GNAQ: variants seen among roughly 807,000 people sequenced by gnomAD.
The protein encoded by GNAQ is guanine nucleotide-binding protein G(q) subunit alpha.
Under a neutral mutation model 43.9 loss-of-function variants are expected in GNAQ, and 8 were observed. That is an observed-to-expected ratio of 0.18 (90% CI 0.11 to 0.33). The LOEUF (loss-of-function observed/expected upper bound fraction) is 0.33, where lower values mean the gene tolerates loss of function less well. GNAQ is among the 10% of genes least tolerant of loss of function. The probability of loss-of-function intolerance (pLI) is 1.00; values close to 1 mark genes in which losing one functional copy is unlikely to be tolerated. For missense variants in GNAQ, 158 were observed against 450.8 expected (o/e 0.35, Z 5.88); for synonymous variants, 155 against 170.7 (o/e 0.91, Z 0.71).
intron 1 of GNAQ, among the ~76,000 whole-genome samples, chr9:77,957,116 G>A (rs1204777378): frequency 1.3e-5 from 2 of 152,056 alleles, no homozygotes; most frequent in African/African-American, 4.8e-5. Context: ...CCTAGCACTT[G>A]GGGAGGCCGA....
intron 2 of GNAQ, among the ~76,000 whole-genome samples, chr9:77,875,475 G>C (rs897709295): frequency 6.6e-6 from 1 of 152,206 alleles, no homozygotes; most frequent in Admixed American, 6.5e-5. Context: ...ACCACAGGCA[G>C]GTCCATCTAC....
At chr9:77,777,737 G>A (rs1587912080) in intron 5 of GNAQ, among the ~76,000 whole-genome samples, 1 of 151,908 alleles carries the variant, frequency 6.6e-6, no homozygotes, top group South Asian at 2.1e-4. Flanking sequence ...AACCCCATTA[G>A]CCTTTAGGGA....
At chr9:78,004,689 CATAAA>C (rs1462845846) in intron 1 of GNAQ, among the ~76,000 whole-genome samples, 1 of 152,004 alleles carries the variant, frequency 6.6e-6, no homozygotes, top group Non-Finnish European at 1.5e-5. Context: ...CATAAACAAA[CATAAA>C]ACGTCATAGG....
intron 1 of GNAQ, among the ~76,000 whole-genome samples, chr9:77,939,137 C>G (rs1829277845): frequency 6.6e-6 from 1 of 152,172 alleles, no homozygotes; most frequent in Admixed American, 6.5e-5. Flanking sequence ...TCTCCTATAT[C>G]AGGTGTGTCC....
intron 1 of GNAQ, among the ~76,000 whole-genome samples, chr9:78,006,041 T>C (rs953979237): frequency 6.6e-6 from 1 of 152,206 alleles, no homozygotes; most frequent in East Asian, 1.9e-4. Flanking sequence ...AGGCTTACTA[T>C]GTTAACTCTT....
chr9:77,837,138 C>CAT (rs1233968225), intron 2 of GNAQ, among the ~76,000 whole-genome samples: 4 of 151,886 alleles, frequency 2.6e-5, no homozygotes, highest in Admixed American at 2.0e-4. Flanking sequence ...AATTAAGTAA[C>CAT]ATATATATAT....
intron 5 of GNAQ, among the ~76,000 whole-genome samples, chr9:77,766,805 G>A (rs2118358163): frequency 6.6e-6 from 1 of 152,326 alleles, no homozygotes. Flanking sequence ...TATAAGGAAA[G>A]ACTGGTTCTG....
chr9:77,910,623 C>T (rs529104247), intron 2 of GNAQ, among the ~76,000 whole-genome samples: 42 of 152,158 alleles, frequency 2.8e-4, no homozygotes, highest in Admixed American at 1.3e-3. Context: ...AGTAATGTTC[C>T]TTAGAGTGCT....
In GNAQ at chr9:77,716,601, C is replaced by T. The variant is rs1033163275; in HGVS notation, c.*4722G>A. The T allele has an allele frequency of 4.3e-5, 10 of 232,674 alleles. No homozygotes were observed. The highest frequency in any genetic ancestry group is 6.6e-5 in the African/African-American group (3 of 45,286). The allele number at this position is 232,674 out of a possible 1,614,324, so 14.4% of individuals were successfully genotyped here. A position where few individuals can be genotyped will look rare whatever the true frequency, so the allele number is the denominator to read the frequency against. On this transcript the variant is annotated 3_prime_UTR_variant, in exon 7 of 7. Transcript: ENST00000286548. Reference sequence around the variant, plus strand: ...AGTCAAAGTAACCTGGACAAAGTTACGTAGTATTATTCCAGCTTTCTTTCC... The same window carrying T: ...AGTCAAAGTAACCTGGACAAAGTTATGTAGTATTATTCCAGCTTTCTTTCC...
At chr9:77,948,612 G>A (rs1822935471) in intron 1 of GNAQ, among the ~76,000 whole-genome samples, 1 of 152,178 alleles carries the variant, frequency 6.6e-6, no homozygotes, top group African/African-American at 2.4e-5. Context: ...GCAGAGCACA[G>A]CAGAAAGAAC....
At chr9:77,779,649 C>T (rs572369391) in intron 5 of GNAQ, among the ~76,000 whole-genome samples, 101 of 128,522 alleles carry the variant, frequency 7.9e-4, no homozygotes, top group Middle Eastern at 4.8e-3. Flanking sequence ...AAAACAAATA[C>T]GCCTTTAGCC....
chr9:77,863,046 T>C (rs1175628538), intron 2 of GNAQ, among the ~76,000 whole-genome samples: 1 of 152,168 alleles, frequency 6.6e-6, no homozygotes, highest in African/African-American at 2.4e-5. Context: ...TGGTGGCACA[T>C]GCCTGTAATC....
rs371357756 is a variant in GNAQ at position 77,728,671 on chromosome 9, G to A, written c.736-4C>T. On this transcript the variant is annotated splice_polypyrimidine_tract_variant and splice_region_variant and intron_variant, in intron 5 of 6. Coordinates refer to ENST00000286548, the MANE Select transcript of GNAQ (RefSeq NM_002072.5). ...CCTTGCTTTCCTCCATTCGGTTCTG[G>A]AAAAAAAAAAAAAATCAGAAAAAAC... is the stretch of plus-strand genomic sequence containing the variant. The A allele has an allele frequency of 1.6e-4, 211 of 1,328,630 alleles. No individual in the cohort carries two copies. The highest frequency in any genetic ancestry group is 4.1e-4 in the Admixed American group (18 of 44,066). The allele number at this position is 1,328,630 out of a possible 1,614,324, so 82.3% of individuals were successfully genotyped here.
At chr9:78,016,586 G>A (rs540068913) in intron 1 of GNAQ, among the ~76,000 whole-genome samples, 2 of 152,124 alleles carry the variant, frequency 1.3e-5, no homozygotes, top group Admixed American at 1.3e-4. Flanking sequence ...GAGGGCTGAG[G>A]CAGGAGAACT....
At chr9:77,800,817 A>T (rs1282773437) in intron 3 of GNAQ, among the ~76,000 whole-genome samples, 1 of 152,246 alleles carries the variant, frequency 6.6e-6, no homozygotes, top group Admixed American at 6.5e-5. Context: ...CTAATTTATC[A>T]GCTTCTTGAT....
At chr9:77,930,812 A>T (rs1829138696) in intron 1 of GNAQ, among the ~76,000 whole-genome samples, 1 of 152,072 alleles carries the variant, frequency 6.6e-6, no homozygotes, top group African/African-American at 2.4e-5. Flanking sequence ...TAAGTGTCCT[A>T]AAGCAGCAGT....
chr9:77,870,818 T>TA (rs938506393), intron 2 of GNAQ, among the ~76,000 whole-genome samples: 47 of 147,722 alleles, frequency 3.2e-4, no homozygotes, highest in South Asian at 1.1e-3. Flanking sequence ...ACAAGCACAT[T>TA]AAAAAAAAAA....
chr9:77,922,107 A>G, intron 2 of GNAQ, 54 bp downstream of exon 2: 1 of 1,264,126 alleles, frequency 7.9e-7, no homozygotes. Context: ...TTGTCACATT[A>G]TTGTGAACAC....
intron 6 of GNAQ, among the ~76,000 whole-genome samples, chr9:77,725,067 G>T (rs986641984): frequency 1.3e-5 from 2 of 151,968 alleles, no homozygotes; most frequent in Non-Finnish European, 2.9e-5. Flanking sequence ...TATTTGGGAA[G>T]GAAGGGACTA....
Sources: gnomAD v4.1 joint callset for allele counts (sites outside exome capture counted in the v4.1 genomes callset) on GRCh38, gnomAD v4.1.1 for gene constraint, MANE v1.5 for transcripts, NCBI Gene and HGNC (gene_info 2026-07-23, HGNC 2026-07-21) for gene names.